UGGT2: variants seen among roughly 807,000 people sequenced by gnomAD.
The protein encoded by UGGT2 is UDP-glucose:glycoprotein glucosyltransferase 2.
Under a neutral mutation model 192.1 loss-of-function variants are expected in UGGT2, and 180 were observed. The ratio of observed to expected loss-of-function variants is 0.94; its 90% CI spans 0.83 to 1.06. The LOEUF is 1.06. Among genes scored for constraint, UGGT2 ranks in the 50% least tolerant of loss-of-function variants. The pLI is 0.00. For missense variants in UGGT2, 1,849 were observed against 1,795.7 expected (o/e 1.03, Z -0.54); for synonymous variants, 580 against 591.0 (o/e 0.98, Z 0.27).
intron 6 of UGGT2, among the ~76,000 whole-genome samples, chr13:95,997,360 T>C (rs1301406007): frequency 2.6e-5 from 4 of 152,114 alleles, no homozygotes; most frequent in Admixed American, 2.6e-4. Flanking sequence ...ATATATTTAT[T>C]AGTCTGGCCA....
intron 20 of UGGT2, among the ~76,000 whole-genome samples, chr13:95,904,319 G>C (rs942977272): frequency 4.0e-5 from 6 of 151,686 alleles, no homozygotes; most frequent in African/African-American, 1.5e-4. Context: ...TAAACTTTAA[G>C]TTTTAGGGTA....
chr13:95,992,776 G>C (rs1221043823), intron 7 of UGGT2, among the ~76,000 whole-genome samples: 1 of 152,138 alleles, frequency 6.6e-6, no homozygotes, highest in Admixed American at 6.6e-5. Flanking sequence ...AAAAGTAACA[G>C]ATGCTGGCAA....
intron 1 of UGGT2, among the ~76,000 whole-genome samples, chr13:96,034,455 A>G (rs961519714): frequency 6.6e-6 from 1 of 152,156 alleles, no homozygotes; most frequent in African/African-American, 2.4e-5. Context: ...CTTCCTGAAC[A>G]TGCAACAAGA....
chr13:95,841,484 T>C (rs1416903314), intron 36 of UGGT2, among the ~76,000 whole-genome samples: 2 of 152,166 alleles, frequency 1.3e-5, no homozygotes, highest in Non-Finnish European at 2.9e-5. Flanking sequence ...AAGAGGTCAG[T>C]TGCGTAGCCA....
intron 24 of UGGT2, among the ~76,000 whole-genome samples, chr13:95,894,004 A>T (rs753984447): frequency 6.6e-5 from 10 of 152,114 alleles, no homozygotes; most frequent in Non-Finnish European, 1.0e-4. Context: ...TTCTCAGGAG[A>T]TCTAGAGAAC....
At chr13:95,901,108 C>T (rs1299137783) in intron 21 of UGGT2, among the ~76,000 whole-genome samples, 170 bp from the exon 22 acceptor site, 1 of 151,990 alleles carries the variant, frequency 6.6e-6, no homozygotes, top group Non-Finnish European at 1.5e-5. Flanking sequence ...TCTGTTTTGA[C>T]AAGTCATTTA....
chr13:95,856,028 T>C lies in UGGT2; in HGVS notation c.4008+130A>G, dbSNP rs535016000. The stretch of plus-strand genomic sequence containing the variant: ...TTTGTTTTTAAAGATACTTTGCTTA[T>C]ATATCACAATCGTATCTTAAGCACC... On this transcript the variant is annotated intron_variant, in intron 34 of 38. Coordinates refer to ENST00000376747, the MANE Select transcript of UGGT2 (RefSeq NM_020121.4). 2.9e-4 allele frequency: 207 copies of C among 712,834 alleles called. No individual in the cohort carries two copies. The South Asian group carries it at 5.8e-3, about 20-fold the overall frequency. 44.2% of individuals were successfully genotyped at this position (712,834 alleles called of 1,614,324 possible). A position where few individuals can be genotyped will look rare whatever the true frequency, so the allele number is the denominator to read the frequency against.
At position 95,926,955 on chromosome 13, in the gene UGGT2, T is replaced by C. The variant is rs540946236; in HGVS notation, c.2200+73A>G. On this transcript the variant is annotated intron_variant, in intron 19 of 38. Coordinates refer to ENST00000376747, the MANE Select transcript of UGGT2 (RefSeq NM_020121.4). ...AAAATAGCAACATATTAAAATTTATTATACAACTGCCTTATGAACATTACA... is the reference window on the plus strand; with the variant it reads ...AAAATAGCAACATATTAAAATTTATCATACAACTGCCTTATGAACATTACA... 1.2e-4 allele frequency: 164 copies of C among 1,349,132 alleles called. No homozygotes were observed. The Admixed American group carries it at 4.3e-3, about 35-fold the overall frequency. 83.6% of individuals were successfully genotyped at this position (1,349,132 alleles called of 1,614,324 possible).
intron 4 of UGGT2, among the ~76,000 whole-genome samples, chr13:96,021,886 T>C (rs1477822034): frequency 6.6e-6 from 1 of 152,176 alleles, no homozygotes; most frequent in Non-Finnish European, 1.5e-5. Context: ...AAATTTTTCC[T>C]AAATTAACCA....
Position 96,001,166 on chromosome 13 carries a change from G to A in UGGT2, c.661-1859C>T, listed in dbSNP as rs61972955. Reference sequence around the variant, plus strand: ...TGACTTGCACGTATATGCCCAGATGGCCTGAAGTAACTGAAGAATCACAAA... The same window carrying A: ...TGACTTGCACGTATATGCCCAGATGACCTGAAGTAACTGAAGAATCACAAA... On this transcript the variant is annotated intron_variant, in intron 5 of 38. Coordinates refer to ENST00000376747, the MANE Select transcript of UGGT2 (RefSeq NM_020121.4). Among the ~76,000 whole-genome samples the A allele has an allele frequency of 8.2e-3, 1,251 of 152,278 alleles. 6 individuals carry two copies. Among genetic ancestry groups the A allele is most frequent in the Non-Finnish European group, 0.012 (839 of 68,028 alleles).
chr13:96,041,447 C>T (rs1182777338), intron 1 of UGGT2, among the ~76,000 whole-genome samples: 1 of 152,200 alleles, frequency 6.6e-6, no homozygotes, highest in Non-Finnish European at 1.5e-5. Flanking sequence ...AGAAGGAAAC[C>T]TCCAGCTGAA....
At chr13:96,004,623 T>G (rs529161207) in intron 5 of UGGT2, among the ~76,000 whole-genome samples, 7 of 151,960 alleles carry the variant, frequency 4.6e-5, no homozygotes, top group African/African-American at 1.7e-4. Context: ...GCTGGTGCGC[T>G]GCACCCACTA....
intron 20 of UGGT2, among the ~76,000 whole-genome samples, chr13:95,907,800 C>T (rs754851223): frequency 1.9e-4 from 29 of 152,192 alleles, no homozygotes; most frequent in Non-Finnish European, 4.0e-4. Context: ...GAAAGTACAA[C>T]AGAAAAGCTG....
intron 33 of UGGT2, among the ~76,000 whole-genome samples, chr13:95,857,482 G>A (rs1247024042): frequency 6.6e-6 from 1 of 152,114 alleles, no homozygotes; most frequent in Non-Finnish European, 1.5e-5. Context: ...TTTGTATAGT[G>A]CTGTCAGAAA....
At chr13:95,939,927 T>G in intron 16 of UGGT2, 30 bp downstream of exon 16, 1 of 1,542,162 alleles carries the variant, frequency 6.5e-7, no homozygotes, top group Non-Finnish European at 8.8e-7. Flanking sequence ...GTGCCTGGCC[T>G]ACTCCACTTA....
intron 38 of UGGT2, among the ~76,000 whole-genome samples, chr13:95,815,770 C>CATATATTATATAATATAT (rs1884815143): frequency 6.6e-6 from 1 of 152,124 alleles, no homozygotes; most frequent in Non-Finnish European, 1.5e-5. Flanking sequence ...TACAGATGGC[C>CATATATTATATAATATAT]AATAAGCACA....
chr13:96,023,177 G>T, intron 3 of UGGT2, 25 bp from the exon 4 acceptor site: 2 of 1,529,272 alleles, frequency 1.3e-6, no homozygotes, highest in South Asian at 1.3e-5. Context: ...ATTATATTTA[G>T]CTACAGCAGT....
chr13:96,024,565 AATGTCATTCC>A (rs2052608845), intron 2 of UGGT2, among the ~76,000 whole-genome samples: 1 of 152,162 alleles, frequency 6.6e-6, no homozygotes, highest in Non-Finnish European at 1.5e-5. Flanking sequence ...AGAAAACTGT[AATGTCATTCC>A]AGGGCCAGCC....
chr13:95,887,884 A>C lies in UGGT2; in HGVS notation c.3038+8T>G. 1 of 1,551,606 alleles carries C rather than the reference A, an allele frequency of 6.4e-7. No homozygotes were observed. On this transcript the variant is annotated splice_region_variant and intron_variant, in intron 26 of 38. Coordinates refer to ENST00000376747, the MANE Select transcript of UGGT2 (RefSeq NM_020121.4). Reference sequence around the variant, plus strand: ...TTTCAAAATGAAATTTTGTTCACTCAGATTTACCTTTCTAAAGGGGCTTCT... The same window carrying C: ...TTTCAAAATGAAATTTTGTTCACTCCGATTTACCTTTCTAAAGGGGCTTCT...
Sources: gnomAD v4.1 joint callset for allele counts (sites outside exome capture counted in the v4.1 genomes callset) on GRCh38, gnomAD v4.1.1 for gene constraint, MANE v1.5 for transcripts, NCBI Gene and HGNC (gene_info 2026-07-23, HGNC 2026-07-21) for gene names.